The following ADGRB3 variants were observed in gnomAD, a reference collection of about 807,000 sequenced individuals.
ADGRB3 encodes adhesion G protein-coupled receptor B3, also known as brain-specific angiogenesis inhibitor 3.
Under a neutral mutation model 193.4 loss-of-function variants are expected in ADGRB3, and 37 were observed. That is an observed-to-expected ratio of 0.19 (90% CI 0.15 to 0.25). The LOEUF (loss-of-function observed/expected upper bound fraction) is 0.25. ADGRB3 is among the 10% of genes least tolerant of loss of function. The pLI is 1.00. For missense variants in ADGRB3, 1,637 were observed against 1,852.9 expected (o/e 0.88, Z 2.14); for synonymous variants, 690 against 644.2 (o/e 1.07, Z -1.08).
At chr6:69,053,174 A>G (rs1771448145) in intron 15 of ADGRB3, among the ~76,000 whole-genome samples, 1 of 152,124 alleles carries the variant, frequency 6.6e-6, no homozygotes, top group African/African-American at 2.4e-5. Flanking sequence ...GTGACAGAGC[A>G]AGATTCCATA....
At chr6:68,797,233 C>T (rs1016358594) in intron 3 of ADGRB3, among the ~76,000 whole-genome samples, 3 of 152,112 alleles carry the variant, frequency 2.0e-5, no homozygotes, top group Non-Finnish European at 4.4e-5. Context: ...ACGACTCCTG[C>T]CCCCTAGCAG....
chr6:69,307,950 G>A (rs1254461396), intron 20 of ADGRB3, among the ~76,000 whole-genome samples: 1 of 151,496 alleles, frequency 6.6e-6, no homozygotes, highest in East Asian at 1.9e-4. Context: ...TGGTGACAAT[G>A]TTATACCTAG....
chr6:69,154,180 A>C (rs181609923), intron 17 of ADGRB3, among the ~76,000 whole-genome samples: 1 of 152,178 alleles, frequency 6.6e-6, no homozygotes, highest in African/African-American at 2.4e-5. Context: ...TATTGTCTCC[A>C]TCACAGATCA....
intron 17 of ADGRB3, among the ~76,000 whole-genome samples, chr6:69,217,139 T>C (rs1765786584): frequency 6.6e-6 from 1 of 152,072 alleles, no homozygotes; most frequent in African/African-American, 2.4e-5. Flanking sequence ...TTTCTTTGAG[T>C]CCTGAGTGGG....
At chr6:69,179,258 C>T (rs1478049943) in intron 17 of ADGRB3, among the ~76,000 whole-genome samples, 1 of 152,054 alleles carries the variant, frequency 6.6e-6, no homozygotes, top group African/African-American at 2.4e-5. Context: ...GAAATTATTT[C>T]TTCTGCTTGG....
Position 69,031,036 on chromosome 6 carries a change from TCTC to T in ADGRB3, c.2107+12538_2107+12540del, listed in dbSNP as rs1562128803. Among the ~76,000 whole-genome samples, 528 of 62,658 alleles carry T rather than the reference TCTC, an allele frequency of 8.4e-3. 66 individuals carry two copies. Among genetic ancestry groups the T allele is most frequent in the Middle Eastern group, 0.021 (2 of 96 alleles). The allele number at this position is 62,658 out of a possible 152,430, so 41.1% of individuals were successfully genotyped here. On this transcript the variant is annotated intron_variant, in intron 13 of 31. Coordinates refer to ENST00000370598, the MANE Select transcript of ADGRB3 (RefSeq NM_001704.3). Reference sequence around the variant, plus strand: ...TTTTCTTTTTTTTTTCCTCTTCTCTTCTCTCTTCTCTTCTCTTCTCTTCTCTTC... The same window carrying T: ...TTTTCTTTTTTTTTTCCTCTTCTCTTTCTTCTCTTCTCTTCTCTTCTCTTC...
intron 3 of ADGRB3, among the ~76,000 whole-genome samples, chr6:68,819,235 T>G (rs1767701895): frequency 6.6e-6 from 1 of 152,004 alleles, no homozygotes; most frequent in Non-Finnish European, 1.5e-5. Flanking sequence ...CCCTTTTCAC[T>G]CCATTGAAAC....
intron 21 of ADGRB3, 129 bp from the exon 22 acceptor site, chr6:69,327,691 C>A: frequency 1.7e-6 from 1 of 594,986 alleles, no homozygotes; most frequent in Non-Finnish European, 2.7e-6. Context: ...AGAAACATAC[C>A]TTGTGAAGTG....
chr6:69,207,941 A>G (rs533566351), intron 17 of ADGRB3, among the ~76,000 whole-genome samples: 47 of 152,320 alleles, frequency 3.1e-4, no homozygotes, highest in African/African-American at 1.1e-3. Flanking sequence ...TGCCCTTTCC[A>G]TGATGAAAGA....
intron 17 of ADGRB3, among the ~76,000 whole-genome samples, chr6:69,101,965 G>A (rs977716857): frequency 3.9e-5 from 6 of 152,030 alleles, no homozygotes; most frequent in Middle Eastern, 3.4e-3. Context: ...TGAGGCGGGC[G>A]GATCACGAGG....
intron 17 of ADGRB3, among the ~76,000 whole-genome samples, chr6:69,177,062 T>C (rs1775446363): frequency 6.6e-6 from 1 of 152,202 alleles, no homozygotes; most frequent in Non-Finnish European, 1.5e-5. Context: ...TTGTTTATCC[T>C]GTCAAAGAAC....
At chr6:68,852,057 T>G (rs1768413842) in intron 3 of ADGRB3, among the ~76,000 whole-genome samples, 2 of 151,924 alleles carry the variant, frequency 1.3e-5, no homozygotes, top group African/African-American at 4.8e-5. Flanking sequence ...TATTGTAGGT[T>G]TATAAGTCCT....
intron 3 of ADGRB3, among the ~76,000 whole-genome samples, chr6:68,753,860 T>A (rs1329926214): frequency 1.3e-5 from 2 of 152,220 alleles, no homozygotes; most frequent in Non-Finnish European, 1.5e-5. Context: ...CAGTTGAAAT[T>A]TTTTTTCTAG....
In ADGRB3 at chr6:69,086,078, A is replaced by T. The variant is rs1391618510; in HGVS notation, c.2480+10040A>T. Among the ~76,000 whole-genome samples, 4 of 152,228 alleles carry T rather than the reference A, an allele frequency of 2.6e-5. No individual in the cohort carries two copies. In the South Asian group the frequency reaches 6.2e-4, roughly 24 times the overall value. ...TGAGGGTTGTAAATCAAGCAATAAT[A>T]TTTTAAAATTTATATTTGGAGTCAA... On this transcript the variant is annotated intron_variant, in intron 17 of 31. Transcript: ENST00000370598.
intron 3 of ADGRB3, among the ~76,000 whole-genome samples, chr6:68,825,598 A>C (rs185036700): frequency 1.3e-5 from 2 of 152,154 alleles, no homozygotes; most frequent in Admixed American, 1.3e-4. Context: ...TAATCCCTAT[A>C]ATCCCCATAA....
chr6:69,170,360 G>A (rs1039650182), intron 17 of ADGRB3, among the ~76,000 whole-genome samples: 4 of 151,960 alleles, frequency 2.6e-5, no homozygotes, highest in South Asian at 2.1e-4. Flanking sequence ...TTTTCTTTAC[G>A]GCACTCAACT....
At chr6:68,866,599 C>T (rs1487111267) in intron 3 of ADGRB3, among the ~76,000 whole-genome samples, 2 of 152,126 alleles carry the variant, frequency 1.3e-5, no homozygotes, top group African/African-American at 4.8e-5. Flanking sequence ...GTTTGGAGGG[C>T]TCAGAAGAAG....
intron 3 of ADGRB3, among the ~76,000 whole-genome samples, chr6:68,854,237 A>G (rs1764892012): frequency 6.6e-6 from 1 of 152,134 alleles, no homozygotes; most frequent in South Asian, 2.1e-4. Flanking sequence ...GAATTAGTTT[A>G]TCTATATTGA....
At chr6:69,316,565 T>G (rs1266195783) in intron 20 of ADGRB3, among the ~76,000 whole-genome samples, 1 of 151,456 alleles carries the variant, frequency 6.6e-6, no homozygotes, top group East Asian at 1.9e-4. Flanking sequence ...ATTTTAGATC[T>G]AGGAAAGCCT....
Sources: allele counts gnomAD v4.1 joint callset (sites outside exome capture counted in the v4.1 genomes callset), GRCh38; gene constraint gnomAD v4.1.1; transcripts MANE v1.5; gene names NCBI Gene and HGNC (gene_info 2026-07-23, HGNC 2026-07-21).